Variants in USP35 observed in about 807,000 individuals in gnomAD.
USP35 encodes ubiquitin carboxyl-terminal hydrolase 35.
In USP35, 69 loss-of-function variants were observed where a neutral mutation model predicts 83.8. The observed-to-expected ratio is 0.82, with a 90% CI of 0.68 to 1.01. The LOEUF is 1.01. USP35 is among the 50% of genes least tolerant of loss of function. The pLI is 0.00. For missense variants in USP35, 1,503 were observed against 1,362.5 expected, an observed-to-expected ratio of 1.10 and a Z score of -1.62; for synonymous variants, 714 against 589.5, an observed-to-expected ratio of 1.21 and a Z score of -3.06.
chr11:78,222,037 G>T, the USP35 span: 1 of 1,013,562 alleles, frequency 9.9e-7, no homozygotes, highest in Non-Finnish European at 1.6e-6. Context: ...CCACAGGCCA[G>T]CTACCACATC....
chr11:78,197,913 C>T (rs2137030895), intron 2 of USP35, 23 bp from the exon 3 acceptor site: 1 of 1,612,422 alleles, frequency 6.2e-7, no homozygotes, highest in African/African-American at 1.3e-5. Flanking sequence ...CCCTGCTAAG[C>T]TCAGCCCTGT....
At chr11:78,223,135 C>T in the USP35 span, among the ~76,000 whole-genome samples, 4 of 152,168 alleles carry the variant, frequency 2.6e-5, no homozygotes, top group Non-Finnish European at 5.9e-5. Context: ...TTGTAGCAGA[C>T]GAGGACCTTG....
At position 78,209,624 on chromosome 11, in the gene USP35, A is replaced by AG. The variant is rs746356425; in HGVS notation, c.1771dup (p.Glu591GlyfsTer14). On this transcript the variant is annotated frameshift_variant, in exon 10 of 11. Transcript: ENST00000529308. LOFTEE classifies it high-confidence loss of function. ...TGCTGCCTCAACGTCTCCTCCCGGG[A>AG]GGAGGCCTTCACGGACCTCTCTCTC... 1 of 1,613,952 alleles carries AG rather than the reference A, an allele frequency of 6.2e-7. No homozygotes were observed. The highest frequency in any genetic ancestry group is 8.5e-7 in the Non-Finnish European group (1 of 1,179,964).
rs780416435 is a variant in USP35, at chr11:78,200,759, G to A, written c.1148G>A (p.Arg383Gln). 1.7e-5 allele frequency: 27 copies of A among 1,614,090 alleles called. 1 individual carries two copies. The highest frequency in any genetic ancestry group is 2.7e-5 in the African/African-American group (2 of 75,050). ...GAGCTGGTCCACTGCATGGTGTTCC[G>A]GTTCCCGGGCTTCCCGGATCTGTAT... ...LAELVHCMVF[R>Q]FPGFPDLYEP... The change falls in exon 6 of 11, where the codon CGG becomes CAG. Residue 383 changes from arginine to glutamine, a missense_variant. Coordinates refer to ENST00000529308, the MANE Select transcript of USP35 (RefSeq NM_020798.4).
At chr11:78,233,467 A>G in the USP35 span, among the ~76,000 whole-genome samples, 2 of 152,028 alleles carry the variant, frequency 1.3e-5, no homozygotes, top group Non-Finnish European at 2.9e-5. Context: ...TTTTTTGTTG[A>G]AGAATCTATT....
chr11:78,225,157 C>T, the USP35 span: 1 of 1,613,620 alleles, frequency 6.2e-7, no homozygotes, highest in African/African-American at 1.3e-5. Flanking sequence ...CCGGCCTGCA[C>T]TCTCTCCACC....
chr11:78,209,979 A>AGAG lies in USP35; in HGVS notation c.2132_2134dup (p.Glu711dup). ...CCAGAGGGGAAGGAGAGAGGGAGAA[A>AGAG]GAGGAGGAGGTGGAAGAGGAAGAAG... On this transcript the variant is annotated inframe_insertion, in exon 10 of 11. Coordinates refer to ENST00000529308, the MANE Select transcript of USP35 (RefSeq NM_020798.4). 1.2e-6 allele frequency: 2 copies of AGAG among 1,612,680 alleles called. No homozygotes were observed. The highest frequency in any genetic ancestry group is 1.7e-6 in the Non-Finnish European group (2 of 1,179,434).
In USP35 at chr11:78,200,379, C is replaced by T. The variant is rs1863311593; in HGVS notation, c.1038+145C>T. 8 of 1,036,478 alleles carry T rather than the reference C, an allele frequency of 7.7e-6. No individual in the cohort carries two copies. In the East Asian group the frequency reaches 7.8e-5, roughly 10 times the overall value. 64.2% of individuals were successfully genotyped at this position (1,036,478 alleles called of 1,614,324 possible). Reference sequence around the variant, plus strand: ...CTTGGCTGAGGCCAAGCAGCTGGATCGTGGGCTCTGGCCTCCCTTTGACTG... The same window carrying T: ...CTTGGCTGAGGCCAAGCAGCTGGATTGTGGGCTCTGGCCTCCCTTTGACTG... On this transcript the variant is annotated intron_variant, in intron 5 of 10. Coordinates refer to ENST00000529308, the MANE Select transcript of USP35 (RefSeq NM_020798.4).
the USP35 span, among the ~76,000 whole-genome samples, chr11:78,229,364 C>A: frequency 1.3e-5 from 2 of 152,170 alleles, no homozygotes; most frequent in African/African-American, 4.8e-5. Flanking sequence ...AGAGAAGACA[C>A]TGGAGGCCAG....
At chr11:78,212,113 T>TGTATAAG (rs1276429164) in intron 10 of USP35, among the ~76,000 whole-genome samples, 1 of 152,228 alleles carries the variant, frequency 6.6e-6, no homozygotes, top group Non-Finnish European at 1.5e-5. Context: ...GTGAATTTTT[T>TGTATAAG]GTATAAGGTA....
intron 6 of USP35, among the ~76,000 whole-genome samples, chr11:78,201,310 C>G (rs902875219): frequency 6.6e-6 from 1 of 152,166 alleles, no homozygotes; most frequent in African/African-American, 2.4e-5. Context: ...GCACTCCAGA[C>G]CAGGGATAAT....
intron 1 of USP35, among the ~76,000 whole-genome samples, chr11:78,191,101 T>C (rs867263810): frequency 1.1e-4 from 16 of 152,144 alleles, no homozygotes; most frequent in African/African-American, 3.6e-4. Flanking sequence ...GGAGGGATGA[T>C]GAAGCTTGAG....
chr11:78,212,526 G>C (rs1026273872), intron 10 of USP35, among the ~76,000 whole-genome samples: 1 of 151,904 alleles, frequency 6.6e-6, no homozygotes, highest in Non-Finnish European at 1.5e-5. Flanking sequence ...ACATTGGGCA[G>C]TATGGCCATT....
At chr11:78,211,319 T>C (rs1464739496) in intron 10 of USP35, among the ~76,000 whole-genome samples, 2 of 152,226 alleles carry the variant, frequency 1.3e-5, no homozygotes, top group Admixed American at 6.5e-5. Flanking sequence ...TTCTGTGGTG[T>C]ATATGTGCCA....
In USP35 at chr11:78,202,571, AACAC is replaced by A. The variant is rs1224995069; in HGVS notation, c.1197+1767_1197+1770del. ...TGAGTTTATAGTCCCAAAATTATAA[AACAC>A]ACAAAGGAACAATCCTGCATGAATG... On this transcript the variant is annotated intron_variant, in intron 6 of 10. Transcript: ENST00000529308. 5.9e-5 allele frequency among the ~76,000 whole-genome samples: 9 copies of A among 152,370 alleles called. No homozygotes were observed. The East Asian group carries it at 1.2e-3, about 20-fold the overall frequency.
rs560672293 is a variant in USP35 at position 78,198,525 on chromosome 11, C to A, written c.806+457C>A. 1.2e-4 allele frequency: 95 copies of A among 784,418 alleles called. No homozygotes were observed. The African/African-American group carries it at 1.7e-3, about 14-fold the overall frequency. 48.6% of individuals were successfully genotyped at this position (784,418 alleles called of 1,614,324 possible). On this transcript the variant is annotated intron_variant, in intron 3 of 10. Coordinates refer to ENST00000529308, the MANE Select transcript of USP35 (RefSeq NM_020798.4). ...ATCTGAACGTCCTCCTCCCTGTGAT[C>A]TAGACGCACCTGCCTGTCCAGTTGT...
At chr11:78,213,315 A>G (rs560565425) in intron 10 of USP35, among the ~76,000 whole-genome samples, 1 of 152,162 alleles carries the variant, frequency 6.6e-6, no homozygotes, top group South Asian at 2.1e-4. Flanking sequence ...ATTCCTCGTG[A>G]TCATGAGGCC....
chr11:78,219,371 A>T (rs2134449301), downstream of USP35: 2 of 1,613,822 alleles, frequency 1.2e-6, no homozygotes, highest in Non-Finnish European at 8.5e-7. Context: ...TGTCCACCTG[A>T]ACGTAGTCCA....
intron 7 of USP35, among the ~76,000 whole-genome samples, chr11:78,206,997 CA>C (rs1380401788): frequency 1.3e-5 from 2 of 152,206 alleles, no homozygotes; most frequent in Non-Finnish European, 2.9e-5. Context: ...CATTGGAAGG[CA>C]GGGGAACAGC....
Sources: gnomAD v4.1 joint callset for allele counts (sites outside exome capture counted in the v4.1 genomes callset) on GRCh38, gnomAD v4.1.1 for gene constraint, MANE v1.5 for transcripts, NCBI Gene and HGNC (gene_info 2026-07-23, HGNC 2026-07-21) for gene names.